HSD17B4: variants seen among roughly 807,000 people sequenced by gnomAD.
HSD17B4 encodes the protein peroxisomal multifunctional enzyme type 2.
HSD17B4 carries 70 observed loss-of-function variants against 101.0 expected under a neutral mutation model. The observed-to-expected ratio is 0.69, with a 90% CI of 0.57 to 0.85. The LOEUF is 0.85. Ranked by LOEUF, HSD17B4 falls within the 40% of genes least tolerant of loss-of-function variation. The pLI is 0.00. For missense variants in HSD17B4, 984 were observed against 892.4 expected, an observed-to-expected ratio of 1.10 and a Z score of -1.31; for synonymous variants, 347 against 297.1, an observed-to-expected ratio of 1.17 and a Z score of -1.73.
intron 12 of HSD17B4, among the ~76,000 whole-genome samples, chr5:119,499,031 G>T (rs1750908524): frequency 6.6e-6 from 1 of 152,084 alleles, no homozygotes; most frequent in Non-Finnish European, 1.5e-5. Flanking sequence ...GGATTTTTGG[G>T]TAGCTAATAG....
At chr5:119,477,546 C>A in intron 7 of HSD17B4, 45 bp downstream of exon 7, 1 of 1,230,068 alleles carries the variant, frequency 8.1e-7, no homozygotes, top group Non-Finnish European at 1.2e-6. Flanking sequence ...GATGTTGTGT[C>A]TGGGGGTTCT....
chr5:119,535,563 C>T (rs571104770), intron 22 of HSD17B4, among the ~76,000 whole-genome samples: 3 of 151,000 alleles, frequency 2.0e-5, no homozygotes, highest in Admixed American at 2.0e-4. Context: ...AGTTTATGAA[C>T]TTTTGGCAGG....
intron 11 of HSD17B4, chr5:119,495,730 G>A (rs1750581818): frequency 1.6e-5 from 3 of 187,594 alleles, no homozygotes; most frequent in Non-Finnish European, 2.3e-5. Context: ...GAGTATGGTG[G>A]CATGATCTCA....
At chr5:119,469,167 A>G (rs1756106214) in intron 2 of HSD17B4, among the ~76,000 whole-genome samples, 1 of 151,162 alleles carries the variant, frequency 6.6e-6, no homozygotes, top group Non-Finnish European at 1.5e-5. Context: ...TTTTTCTTGT[A>G]TCTCACTGGA....
At chr5:119,532,712 A>G (rs1754221497) in intron 22 of HSD17B4, among the ~76,000 whole-genome samples, 1 of 152,116 alleles carries the variant, frequency 6.6e-6, no homozygotes, top group Admixed American at 6.6e-5. Context: ...AGCAACGGTA[A>G]AAAATCGGAG....
intron 8 of HSD17B4, among the ~76,000 whole-genome samples, chr5:119,479,852 A>G (rs182739842): frequency 3.3e-5 from 5 of 152,218 alleles, no homozygotes; most frequent in African/African-American, 9.6e-5. Context: ...TGTAAATACC[A>G]TGGAGTGTGA....
intron 23 of HSD17B4, among the ~76,000 whole-genome samples, chr5:119,539,420 G>A (rs943383211): frequency 1.4e-5 from 2 of 143,632 alleles, no homozygotes; most frequent in African/African-American, 5.1e-5. Context: ...CATCACACAC[G>A]GGGACCTGTC....
At chr5:119,517,502 G>A (rs958193187) in intron 17 of HSD17B4, among the ~76,000 whole-genome samples, 6 of 152,252 alleles carry the variant, frequency 3.9e-5, no homozygotes, top group Admixed American at 2.0e-4. Flanking sequence ...CGTACCGCGC[G>A]GGACTGGCAG....
At chr5:119,495,559 A>T (rs1317328845) in intron 11 of HSD17B4, among the ~76,000 whole-genome samples, 1 of 152,234 alleles carries the variant, frequency 6.6e-6, no homozygotes, top group African/African-American at 2.4e-5. Flanking sequence ...TTCCCTCTAG[A>T]TAGCAATATG....
intron 17 of HSD17B4, among the ~76,000 whole-genome samples, chr5:119,517,498 G>A (rs1330455139): frequency 6.6e-5 from 10 of 152,368 alleles, no homozygotes; most frequent in Admixed American, 1.3e-4. Context: ...CGAGCGTACC[G>A]CGCGGGACTG....
intron 9 of HSD17B4, among the ~76,000 whole-genome samples, chr5:119,491,679 A>T (rs938300605): frequency 1.3e-5 from 2 of 152,048 alleles, no homozygotes; most frequent in South Asian, 4.1e-4. Context: ...TTCAAGAGGG[A>T]CATTTATTTG....
At chr5:119,524,479 T>G (rs1753396472) in intron 17 of HSD17B4, among the ~76,000 whole-genome samples, 1 of 152,144 alleles carries the variant, frequency 6.6e-6, no homozygotes, top group Non-Finnish European at 1.5e-5. Flanking sequence ...TCGGTCAAGT[T>G]TACAGATACA....
chr5:119,455,256 C>T (rs545268339), intron 1 of HSD17B4, among the ~76,000 whole-genome samples: 3 of 152,290 alleles, frequency 2.0e-5, no homozygotes, highest in South Asian at 2.1e-4. Context: ...TGGTGGCTCA[C>T]GCCTGTAATC....
At chr5:119,455,568 C>CTATATA (rs1554059875) in intron 1 of HSD17B4, among the ~76,000 whole-genome samples, 5,848 of 136,324 alleles carry the variant, frequency 0.043, 137 homozygotes, top group African/African-American at 0.05. Flanking sequence ...CTCTCTCTCT[C>CTATATA]TATATATATA....
At chr5:119,531,953 A>T (rs192561283) in intron 22 of HSD17B4, among the ~76,000 whole-genome samples, 1 of 152,186 alleles carries the variant, frequency 6.6e-6, no homozygotes, top group Non-Finnish European at 1.5e-5. Flanking sequence ...AATATAAAAC[A>T]TCTTGCCGCA....
intron 11 of HSD17B4, among the ~76,000 whole-genome samples, chr5:119,494,466 T>C (rs1170667959): frequency 1.3e-5 from 2 of 152,000 alleles, no homozygotes; most frequent in Non-Finnish European, 2.9e-5. Flanking sequence ...GGCTTTGTTT[T>C]AGCACTTTGT....
chr5:119,466,477 A>G (rs570470247), intron 2 of HSD17B4, among the ~76,000 whole-genome samples: 1 of 152,186 alleles, frequency 6.6e-6, no homozygotes, highest in South Asian at 2.1e-4. Context: ...TACCCGCTTC[A>G]ATCTTGTTCT....
chr5:119,459,887 T>C (rs1309094897), intron 2 of HSD17B4, among the ~76,000 whole-genome samples: 1 of 150,170 alleles, frequency 6.7e-6, no homozygotes, highest in African/African-American at 2.5e-5. Flanking sequence ...TTTTTTTTTT[T>C]TGAGAGGGAG....
chr5:119,465,181 C>A (rs1393764698), intron 2 of HSD17B4, among the ~76,000 whole-genome samples: 3 of 152,122 alleles, frequency 2.0e-5, no homozygotes, highest in African/African-American at 7.2e-5. Flanking sequence ...CTAATTCTTC[C>A]AATCCATGAA....
Sources: gnomAD v4.1 joint callset for allele counts (sites outside exome capture counted in the v4.1 genomes callset) on GRCh38, gnomAD v4.1.1 for gene constraint, MANE v1.5 for transcripts, NCBI Gene and HGNC (gene_info 2026-07-23, HGNC 2026-07-21) for gene names.